Variants in TOX observed in about 807,000 individuals in gnomAD.
TOX encodes the protein thymocyte selection associated high mobility group box, also known as thymocyte selection-associated high mobility group box protein TOX.
A neutral mutation model predicts 53.7 loss-of-function variants in TOX; 11 were observed. The observed-to-expected ratio is 0.20, with a 90% CI of 0.13 to 0.34. The LOEUF is 0.34. Ranked by LOEUF, TOX falls within the 10% of genes least tolerant of loss-of-function variation. TOX has a pLI of 1.00. For synonymous variants in TOX, 225 were observed against 245.3 expected (o/e 0.92, Z 0.77); for missense variants, 570 against 664.6 (o/e 0.86, Z 1.56).
intron 3 of TOX, among the ~76,000 whole-genome samples, chr8:58,912,015 A>G (rs994743402): frequency 6.6e-6 from 1 of 152,220 alleles, no homozygotes. Flanking sequence ...ATACTTTTCA[A>G]TGCAGCTCCC....
intron 1 of TOX, among the ~76,000 whole-genome samples, chr8:59,013,112 G>A (rs1813940300): frequency 3.3e-5 from 5 of 152,080 alleles, no homozygotes; most frequent in East Asian, 1.9e-4. Flanking sequence ...GCAGAGCAAT[G>A]TTTTCTCAAT....
intron 3 of TOX, among the ~76,000 whole-genome samples, chr8:58,902,559 T>C (rs9298002): frequency 0.55 from 82,935 of 152,004 alleles, 23,048 homozygotes; most frequent in African/African-American, 0.64. Context: ...ACTTAGGTAC[T>C]GCCTACTTTG....
At chr8:58,868,932 T>C (rs560390333) in intron 3 of TOX, among the ~76,000 whole-genome samples, 22 of 150,528 alleles carry the variant, frequency 1.5e-4, no homozygotes, top group Non-Finnish European at 3.0e-4. Context: ...GATAGACCTC[T>C]AGACAGGCTA....
At chr8:58,925,808 GCT>G (rs1164004555) in intron 3 of TOX, among the ~76,000 whole-genome samples, 1 of 152,022 alleles carries the variant, frequency 6.6e-6, no homozygotes, top group Non-Finnish European at 1.5e-5. Flanking sequence ...AGTATACTGC[GCT>G]CTGAGAAACA....
intron 1 of TOX, among the ~76,000 whole-genome samples, chr8:58,986,060 G>T (rs965900553): frequency 2.0e-5 from 3 of 152,150 alleles, no homozygotes; most frequent in Non-Finnish European, 4.4e-5. Context: ...TAAATGGCAT[G>T]TTCTAGTCTG....
At chr8:58,820,083 A>T (rs1328492882) in intron 6 of TOX, among the ~76,000 whole-genome samples, 1 of 152,188 alleles carries the variant, frequency 6.6e-6, no homozygotes, top group Non-Finnish European at 1.5e-5. Context: ...TCCCATTTGC[A>T]AATTCAGACT....
At chr8:58,905,374 A>C (rs1268875846) in intron 3 of TOX, among the ~76,000 whole-genome samples, 1 of 152,256 alleles carries the variant, frequency 6.6e-6, no homozygotes, top group Non-Finnish European at 1.5e-5. Flanking sequence ...GATCCTATTT[A>C]CTTTGACAGG....
intron 3 of TOX, among the ~76,000 whole-genome samples, chr8:58,874,875 A>C (rs1441326088): frequency 6.6e-6 from 1 of 152,192 alleles, no homozygotes; most frequent in Non-Finnish European, 1.5e-5. Flanking sequence ...CATAAAATAC[A>C]ATGACACTAA....
At chr8:58,994,419 T>C (rs56020524) in intron 1 of TOX, among the ~76,000 whole-genome samples, 33,586 of 141,212 alleles carry the variant, frequency 0.24, 4,343 homozygotes, top group Middle Eastern at 0.39. Flanking sequence ...TGTGTGTGTG[T>C]GCGCGCGCGC....
chr8:58,844,681 G>T (rs1012495706), intron 4 of TOX, among the ~76,000 whole-genome samples: 9 of 152,222 alleles, frequency 5.9e-5, no homozygotes, highest in African/African-American at 2.2e-4. Flanking sequence ...CATAGAAATT[G>T]TATGAAAATC....
At chr8:58,942,907 A>G (rs984830635) in intron 2 of TOX, among the ~76,000 whole-genome samples, 1 of 152,166 alleles carries the variant, frequency 6.6e-6, no homozygotes, top group Non-Finnish European at 1.5e-5. Flanking sequence ...CATGTAACAC[A>G]TCTGCTCCCC....
At chr8:59,047,916 A>C (rs1274653251) in intron 1 of TOX, among the ~76,000 whole-genome samples, 1 of 152,196 alleles carries the variant, frequency 6.6e-6, no homozygotes, top group African/African-American at 2.4e-5. Flanking sequence ...CTTGCATTTC[A>C]CATGGATGTA....
At chr8:58,826,010 CTT>C (rs1437239044) in intron 6 of TOX, among the ~76,000 whole-genome samples, 2 of 152,312 alleles carry the variant, frequency 1.3e-5, no homozygotes, top group East Asian at 3.9e-4. Flanking sequence ...TTTGGGCTCT[CTT>C]TTCTTCTCTG....
chr8:58,908,178 G>A (rs1811849962), intron 3 of TOX, among the ~76,000 whole-genome samples: 1 of 152,024 alleles, frequency 6.6e-6, no homozygotes, highest in South Asian at 2.1e-4. Context: ...CAAATCAATT[G>A]TGATTTGTTA....
In TOX at chr8:58,902,042, A is replaced by G. The variant is rs146364280; in HGVS notation, c.411+37260T>C. ...CTATTTCTGGTTTAATTTAAGCATT[A>G]TTTTCATTTTCTTGATTCTGGTAAC... is the stretch of plus-strand genomic sequence containing the variant. On this transcript the variant is annotated intron_variant, in intron 3 of 8. Transcript: ENST00000361421. Among the ~76,000 whole-genome samples, 5 of 152,202 alleles carry G rather than the reference A, an allele frequency of 3.3e-5. No individual in the cohort carries two copies. The East Asian group carries it at 9.6e-4, about 29-fold the overall frequency.
chr8:59,059,005 G>GT (rs1803933069), intron 1 of TOX, among the ~76,000 whole-genome samples: 1 of 152,168 alleles, frequency 6.6e-6, no homozygotes, highest in Non-Finnish European at 1.5e-5. Context: ...TTTCTAGAAT[G>GT]TAGGAGGCAA....
At chr8:59,045,861 A>G (rs1803672627) in intron 1 of TOX, among the ~76,000 whole-genome samples, 1 of 152,204 alleles carries the variant, frequency 6.6e-6, no homozygotes, top group South Asian at 2.1e-4. Flanking sequence ...TGAGGCCAAA[A>G]TATTTGAAGA....
chr8:59,013,479 C>T (rs1325007939), intron 1 of TOX, among the ~76,000 whole-genome samples: 2 of 150,464 alleles, frequency 1.3e-5, no homozygotes, highest in African/African-American at 4.9e-5. Flanking sequence ...GGCGCGATCT[C>T]GGCTCACTAC....
chr8:59,049,296 C>G (rs1803745939), intron 1 of TOX, among the ~76,000 whole-genome samples: 1 of 152,116 alleles, frequency 6.6e-6, no homozygotes, highest in African/African-American at 2.4e-5. Context: ...CCCCAAAAAT[C>G]AATGATAATT....
Sources: gnomAD v4.1 joint callset for allele counts (sites outside exome capture counted in the v4.1 genomes callset) on GRCh38, gnomAD v4.1.1 for gene constraint, MANE v1.5 for transcripts, NCBI Gene and HGNC (gene_info 2026-07-23, HGNC 2026-07-21) for gene names.